The following CNGA1 variants were observed in gnomAD, a reference collection of about 807,000 sequenced individuals.
CNGA1 encodes cyclic nucleotide-gated channel alpha-1.
In CNGA1, 53 loss-of-function variants were observed where a neutral mutation model predicts 69.7. The ratio of observed to expected loss-of-function variants is 0.76; its 90% confidence interval spans 0.61 to 0.96. The LOEUF (loss-of-function observed/expected upper bound fraction) is 0.96, where lower values mean the gene tolerates loss of function less well. Ranked by LOEUF, CNGA1 falls within the 40% of genes least tolerant of loss-of-function variation. The pLI, the probability that CNGA1 is intolerant of heterozygous loss-of-function variation, is 0.00. For synonymous variants in CNGA1, 249 were observed against 283.5 expected (o/e 0.88, Z 1.22); for missense variants, 739 against 811.2 (o/e 0.91, Z 1.08).
intron 3 of CNGA1, among the ~76,000 whole-genome samples, chr4:47,965,581 C>G: frequency 6.6e-6 from 1 of 152,082 alleles, no homozygotes; most frequent in South Asian, 2.1e-4. Context: ...TGCCCACCAC[C>G]AGGCCCGGCT....
In CNGA1 at chr4:47,937,814, C is replaced by T. The variant is rs759736707; in HGVS notation, c.668G>A (p.Gly223Glu). ...VRTRTGYLEQ[G>E]LLVKEELKLI... ...TTTAAGTTCTTCCTTTACCAGCAGT[C>T]CTTGTTCTAGGTAACCTAAAATAGA... Residue 223 changes from glycine to glutamate, a missense_variant, in exon 11 of 11, where the codon GGA becomes GAA. By Grantham distance (98) the Gly-to-Glu change is moderately conservative (BLOSUM62 -2). Transcript: ENST00000514170. The T allele has an allele frequency of 1.9e-6, 3 of 1,610,600 alleles. No homozygotes were observed. Among genetic ancestry groups the T allele is most frequent in the African/African-American group, 1.3e-5 (1 of 74,954 alleles).
chr4:47,991,831 G>A (rs1350263552), intron 2 of CNGA1, among the ~76,000 whole-genome samples: 1 of 152,128 alleles, frequency 6.6e-6, no homozygotes, highest in Non-Finnish European at 1.5e-5. Context: ...TCCATCTTGA[G>A]TTGATTTTTA....
chr4:47,999,988 A>G (rs1335683728), intron 2 of CNGA1, among the ~76,000 whole-genome samples: 1 of 152,078 alleles, frequency 6.6e-6, no homozygotes, highest in Admixed American at 6.5e-5. Flanking sequence ...TTTAAAACAC[A>G]GGAAAAAATA....
chr4:47,963,230 C>T (rs1004829435), intron 3 of CNGA1, among the ~76,000 whole-genome samples: 10 of 152,224 alleles, frequency 6.6e-5, no homozygotes, highest in Non-Finnish European at 1.0e-4. Flanking sequence ...GAATTACAGG[C>T]GTGGGCCATC....
chr4:47,980,632 A>C lies in CNGA1; in HGVS notation c.-15+761T>G, dbSNP rs184737065. ...TGGGACTACAAACACATGCCACCAC[A>C]CCTGGGCTAATTTTTGCATTTTTTT... On this transcript the variant is annotated intron_variant, in intron 3 of 10. Transcript: ENST00000514170. Among the ~76,000 whole-genome samples, 372 of 151,294 alleles carry C rather than the reference A, an allele frequency of 2.5e-3. 2 individuals carry two copies. Among genetic ancestry groups the C allele is most frequent in the African/African-American group, 8.7e-3 (360 of 41,228 alleles).
At chr4:47,962,322 C>A (rs1170134133) in intron 3 of CNGA1, among the ~76,000 whole-genome samples, 10 of 136,048 alleles carry the variant, frequency 7.4e-5, no homozygotes, top group African/African-American at 2.8e-4. Flanking sequence ...TCCAGCCTGG[C>A]AACAGAGCGA....
At chr4:47,976,449 T>C (rs747824207) in intron 3 of CNGA1, among the ~76,000 whole-genome samples, 1 of 151,048 alleles carries the variant, frequency 6.6e-6, no homozygotes, top group Admixed American at 6.6e-5. Context: ...TTTCTCTTTA[T>C]ATCCCCTGAG....
chr4:47,993,790 C>G (rs936222160), intron 2 of CNGA1, among the ~76,000 whole-genome samples: 1 of 151,834 alleles, frequency 6.6e-6, no homozygotes, highest in Non-Finnish European at 1.5e-5. Context: ...TCTGTTTGTG[C>G]TCTTTCAGAC....
chr4:47,988,078 C>T (rs1578115594), intron 2 of CNGA1, among the ~76,000 whole-genome samples: 1 of 152,004 alleles, frequency 6.6e-6, no homozygotes, highest in Non-Finnish European at 1.5e-5. Flanking sequence ...CAGGTGGAAG[C>T]GGTGAGAACG....
Position 47,937,307 on chromosome 4 carries a change from A to G in CNGA1, c.1175T>C (p.Ile392Thr), listed in dbSNP as rs1213442244. ...ATTCATGTTGGAAATCATAGAACCT[A>G]TGTTACCAACGATGGTAGCAAAAAT... ...VLIFATIVGNIGSMISNMNAA... is the reference protein window; with the variant it reads ...VLIFATIVGNTGSMISNMNAA... Residue 392 changes from isoleucine (I) to threonine (T), a missense_variant, in exon 11 of 11, where the codon ATA (isoleucine) becomes ACA (threonine). By Grantham distance (89) the Ile-to-Thr change is moderately conservative (BLOSUM62 -1). Coordinates refer to ENST00000514170, the MANE Select transcript of CNGA1 (RefSeq NM_001379270.1). The G allele has an allele frequency of 9.3e-6, 15 of 1,614,032 alleles. No homozygotes were observed. The East Asian group carries it at 2.9e-4, about 31-fold the overall frequency.
intron 2 of CNGA1, among the ~76,000 whole-genome samples, chr4:47,989,920 T>A (rs924436320): frequency 1.3e-5 from 2 of 151,834 alleles, no homozygotes; most frequent in African/African-American, 4.9e-5. Context: ...GAAGATTTCA[T>A]GGACATTTAT....
In CNGA1 at chr4:47,936,543, T is replaced by A; in HGVS notation, c.1939A>T (p.Met647Leu). The A allele has an allele frequency of 6.2e-7, 1 of 1,614,232 alleles. No homozygotes were observed. The highest frequency in any genetic ancestry group is 1.1e-5 in the South Asian group (1 of 91,086). The change falls in exon 11 of 11, where the codon ATG becomes TTG. Residue 647 changes from methionine (M) to leucine (L), a missense_variant. Met to Leu is a conservative substitution (Grantham distance 15, BLOSUM62 2). Transcript: ENST00000514170. ...AATCTTTGTTTCAGTTTCTGCTGCA[T>A]GGACTCATACTCAGCCAAGATTCGG... ...FARILAEYESMQQKLKQRLTK... is the reference protein window; with the variant it reads ...FARILAEYESLQQKLKQRLTK...
chr4:47,940,575 T>G (rs1739014159), intron 10 of CNGA1, among the ~76,000 whole-genome samples, 188 bp downstream of exon 10: 1 of 152,228 alleles, frequency 6.6e-6, no homozygotes, highest in African/African-American at 2.4e-5. Flanking sequence ...TAACTTCCTC[T>G]GAATCAGCTG....
intron 1 of CNGA1, among the ~76,000 whole-genome samples, chr4:48,015,083 CAGG>C (rs1270869288): frequency 6.6e-6 from 1 of 152,086 alleles, no homozygotes; most frequent in African/African-American, 2.4e-5. Flanking sequence ...GAGGCTGAGG[CAGG>C]AGAATGGCGT....
intron 3 of CNGA1, among the ~76,000 whole-genome samples, chr4:47,977,126 A>C (rs986069355): frequency 6.6e-6 from 1 of 152,196 alleles, no homozygotes; most frequent in Non-Finnish European, 1.5e-5. Flanking sequence ...GTGTGCCCCC[A>C]AAATCCATAT....
rs553853566 is a variant in CNGA1 at position 47,996,480 on chromosome 4, G to T, written c.-123+14314C>A. ...GTTGCCATTTTTTATTAGCATAATG[G>T]GAATAGATTCTTCTAATCAAGGTAT... is the stretch of plus-strand genomic sequence containing the variant. On this transcript the variant is annotated intron_variant, in intron 2 of 10. Coordinates refer to ENST00000514170, the MANE Select transcript of CNGA1 (RefSeq NM_001379270.1). Among the ~76,000 whole-genome samples, 5 of 152,170 alleles carry T rather than the reference G, an allele frequency of 3.3e-5. No homozygotes were observed. The South Asian group carries it at 1.0e-3, about 32-fold the overall frequency.
chr4:48,005,139 A>G (rs897509140), intron 2 of CNGA1, among the ~76,000 whole-genome samples: 4 of 112,672 alleles, frequency 3.6e-5, no homozygotes, highest in Admixed American at 2.7e-4. Flanking sequence ...TTTATTTGAG[A>G]TGGAGTCTTG....
At chr4:48,001,116 AT>A (rs1714647830) in intron 2 of CNGA1, among the ~76,000 whole-genome samples, 1 of 152,220 alleles carries the variant, frequency 6.6e-6, no homozygotes, top group Admixed American at 6.5e-5. Flanking sequence ...TAAGCTTTAA[AT>A]AAAAAGACAC....
chr4:47,988,816 C>T (rs1742105811), intron 2 of CNGA1, among the ~76,000 whole-genome samples: 1 of 151,668 alleles, frequency 6.6e-6, no homozygotes, highest in Non-Finnish European at 1.5e-5. Flanking sequence ...ATTAAAAGAC[C>T]TCAATTTGAG....
Sources: allele counts gnomAD v4.1 joint callset (sites outside exome capture counted in the v4.1 genomes callset), GRCh38; gene constraint gnomAD v4.1.1; transcripts MANE v1.5; gene names NCBI Gene and HGNC (gene_info 2026-07-23, HGNC 2026-07-21).